DSCAML1: variants seen among roughly 807,000 people sequenced by gnomAD.
DSCAML1 encodes the protein cell adhesion molecule DSCAML1.
In DSCAML1, 38 loss-of-function variants were observed where a neutral mutation model predicts 200.5. The ratio of observed to expected loss-of-function variants is 0.19; its 90% CI spans 0.15 to 0.25. The LOEUF (loss-of-function observed/expected upper bound fraction) is 0.25, where lower values mean the gene tolerates loss of function less well. Among genes scored for constraint, DSCAML1 ranks in the 10% least tolerant of loss-of-function variants. The probability of loss-of-function intolerance (pLI) is 1.00; values close to 1 mark genes in which losing one functional copy is unlikely to be tolerated. For missense variants in DSCAML1, 2,223 were observed against 2,858.8 expected, an observed-to-expected ratio of 0.78 and a Z score of 5.07; for synonymous variants, 1,215 against 1,165.0, an observed-to-expected ratio of 1.04 and a Z score of -0.87.
chr11:117,627,512 G>T (rs920983890), intron 3 of DSCAML1, among the ~76,000 whole-genome samples: 11 of 151,918 alleles, frequency 7.2e-5, no homozygotes, highest in Non-Finnish European at 1.6e-4. Context: ...CACCACACTC[G>T]TGCCTTCCCC....
intron 3 of DSCAML1, among the ~76,000 whole-genome samples, chr11:117,737,581 A>G (rs1393873142): frequency 6.6e-6 from 1 of 152,204 alleles, no homozygotes; most frequent in African/African-American, 2.4e-5. Context: ...GTTCCTGAAT[A>G]TGGAACACAC....
In DSCAML1 at chr11:117,544,084, G is replaced by A. The variant is rs2050324424; in HGVS notation, c.512-11562C>T. Among the ~76,000 whole-genome samples the A allele has an allele frequency of 2.0e-5, 3 of 152,130 alleles. No homozygotes were observed. The South Asian group carries it at 6.2e-4, about 32-fold the overall frequency. On this transcript the variant is annotated intron_variant, in intron 3 of 32. Coordinates refer to ENST00000651296, the MANE Select transcript of DSCAML1 (RefSeq NM_020693.4). ...GGGTGAGGCTTTGCATTGAGACCAGGCTTTGGCCACAGGGTCAGAAAAAAA... is the reference window on the plus strand; with the variant it reads ...GGGTGAGGCTTTGCATTGAGACCAGACTTTGGCCACAGGGTCAGAAAAAAA...
In DSCAML1 at chr11:117,780,380, A is replaced by G. The variant is rs146769706; in HGVS notation, c.364+113T>C. The G allele has an allele frequency of 6.5e-6, 6 of 924,314 alleles. 1 individual carries two copies. In the South Asian group the frequency reaches 1.6e-4, roughly 24 times the overall value. 57.3% of individuals were successfully genotyped at this position (924,314 alleles called of 1,614,324 possible). Reference sequence around the variant, plus strand: ...TGGTACAACAAAGATTCAAAAGAGAACAACAAAACTGTTCTTGAGTGAACG... The same window carrying G: ...TGGTACAACAAAGATTCAAAAGAGAGCAACAAAACTGTTCTTGAGTGAACG... On this transcript the variant is annotated intron_variant, in intron 2 of 32. Transcript: ENST00000651296. The surrounding 1 kb of genome is among the most constrained non-coding windows in gnomAD (Gnocchi z 4.8).
In DSCAML1 at chr11:117,482,017, C is replaced by T. The variant is rs1391659009; in HGVS notation, c.2505G>A (p.Met835Ile). Residue 835 changes from methionine (M) to isoleucine (I), a missense_variant, in exon 12 of 33, where the codon ATG becomes ATA. Coordinates refer to ENST00000651296, the MANE Select transcript of DSCAML1 (RefSeq NM_020693.4). ...GDTVIDPDRV[M>I]RYAIATKDNG... The stretch of plus-strand genomic sequence containing the variant: ...TGTCCTTGGTGGCGATGGCATACCG[C>T]ATGACGCGGTCAGGGTCGATGACTG... 6.2e-7 allele frequency: 1 copy of T among 1,614,176 alleles called. No individual in the cohort carries two copies. The highest frequency in any genetic ancestry group is 1.7e-5 in the Admixed American group (1 of 60,032).
intron 3 of DSCAML1, among the ~76,000 whole-genome samples, chr11:117,738,340 C>A (rs1289031190): frequency 6.6e-6 from 1 of 152,060 alleles, no homozygotes; most frequent in Non-Finnish European, 1.5e-5. Flanking sequence ...GTCATTCCCT[C>A]CCTAAGAAGA....
At chr11:117,554,480 A>C (rs773521603) in intron 3 of DSCAML1, among the ~76,000 whole-genome samples, 4 of 152,108 alleles carry the variant, frequency 2.6e-5, no homozygotes, top group Non-Finnish European at 1.5e-5. Flanking sequence ...TCCTGGGTTC[A>C]AGGGATTCTC....
intron 3 of DSCAML1, among the ~76,000 whole-genome samples, chr11:117,536,450 C>T (rs998605039): frequency 2.6e-5 from 4 of 152,136 alleles, no homozygotes; most frequent in Non-Finnish European, 4.4e-5. Flanking sequence ...CTGGGTCCCA[C>T]GGGAGAAGGA....
At chr11:117,577,518 CTT>C (rs2050965570) in intron 3 of DSCAML1, among the ~76,000 whole-genome samples, 2 of 53,520 alleles carry the variant, frequency 3.7e-5, no homozygotes, top group African/African-American at 2.0e-4. Flanking sequence ...TCCTTCCTTC[CTT>C]CCTTCCTTCC....
intron 3 of DSCAML1, among the ~76,000 whole-genome samples, chr11:117,639,542 C>T (rs1344601363): frequency 6.6e-6 from 1 of 151,630 alleles, no homozygotes; most frequent in African/African-American, 2.4e-5. Flanking sequence ...AAGTCTTTGG[C>T]TCTGCCTTCC....
intron 3 of DSCAML1, among the ~76,000 whole-genome samples, chr11:117,545,299 T>C (rs558793256): frequency 8.0e-5 from 12 of 150,886 alleles, no homozygotes; most frequent in African/African-American, 2.9e-4. Flanking sequence ...AAAGGCCATG[T>C]GAGGACACAG....
chr11:117,662,522 C>A lies in DSCAML1; in HGVS notation c.511+114269G>T, dbSNP rs1249359478. On this transcript the variant is annotated intron_variant, in intron 3 of 32. Coordinates refer to ENST00000651296, the MANE Select transcript of DSCAML1 (RefSeq NM_020693.4). ...CTCGTCGAGAATGCCAGAGAAAAGG[C>A]TCTCTCATGGGTGGCAGATGCTCTC... 3.9e-5 allele frequency among the ~76,000 whole-genome samples: 6 copies of A among 152,338 alleles called. No individual in the cohort carries two copies. In the East Asian group the frequency reaches 1.2e-3, roughly 29 times the overall value.
At chr11:117,680,400 T>C (rs1028730194) in intron 3 of DSCAML1, among the ~76,000 whole-genome samples, 2 of 152,086 alleles carry the variant, frequency 1.3e-5, no homozygotes, top group Admixed American at 6.5e-5. Flanking sequence ...CTGCACAAGG[T>C]CCCCTCAGAT....
intron 3 of DSCAML1, among the ~76,000 whole-genome samples, chr11:117,532,803 G>A (rs1037158608): frequency 2.6e-5 from 4 of 151,972 alleles, no homozygotes; most frequent in Non-Finnish European, 5.9e-5. Flanking sequence ...TGTACAATAG[G>A]ATACAAATAA....
chr11:117,448,205 A>C (rs2048217638), intron 20 of DSCAML1, among the ~76,000 whole-genome samples: 1 of 152,234 alleles, frequency 6.6e-6, no homozygotes, highest in Non-Finnish European at 1.5e-5. Flanking sequence ...CCGGACACCA[A>C]CCTTGGAAAG....
At chr11:117,804,633 A>G (rs1280994796) in intron 1 of DSCAML1, among the ~76,000 whole-genome samples, 1 of 152,108 alleles carries the variant, frequency 6.6e-6, no homozygotes, top group African/African-American at 2.4e-5. Flanking sequence ...CTTATATTCA[A>G]CTTTAGCAAT....
At chr11:117,740,684 C>A (rs1479136396) in intron 3 of DSCAML1, among the ~76,000 whole-genome samples, 1 of 152,232 alleles carries the variant, frequency 6.6e-6, no homozygotes, top group African/African-American at 2.4e-5. Context: ...AGCCACCTAG[C>A]AAATGTTGAG....
At position 117,427,921 on chromosome 11, in the gene DSCAML1, T is replaced by C. The variant is rs1183544654; in HGVS notation, c.*407A>G. ...GTCTCTGAGTTGGGATTTTGGTCTT[T>C]GTCAAAACCACCTAGACTGGGGGGA... On this transcript the variant is annotated 3_prime_UTR_variant, in exon 33 of 33. Coordinates refer to ENST00000651296, the MANE Select transcript of DSCAML1 (RefSeq NM_020693.4). 1 of 157,636 alleles carries C rather than the reference T, an allele frequency of 6.3e-6. No individual in the cohort carries two copies. Among genetic ancestry groups the C allele is most frequent in the Admixed American group, 6.5e-5 (1 of 15,340 alleles). 9.8% of individuals were successfully genotyped at this position (157,636 alleles called of 1,614,324 possible).
Position 117,663,034 on chromosome 11 carries a change from C to G in DSCAML1, c.511+113757G>C, listed in dbSNP as rs565054972. Among the ~76,000 whole-genome samples the G allele has an allele frequency of 3.8e-4, 58 of 151,168 alleles. 2 individuals are homozygous for G. In the South Asian group the frequency reaches 0.012, roughly 30 times the overall value. ...TGCCTTACCACATCCACTTGCCCCC[C>G]GGAGATGGGGAAGGACTCCATCCGA... On this transcript the variant is annotated intron_variant, in intron 3 of 32. Transcript: ENST00000651296.
intron 24 of DSCAML1, 58 bp from the exon 25 acceptor site, chr11:117,438,141 C>G (rs73592184): frequency 0.011 from 17,299 of 1,518,900 alleles, 230 homozygotes; most frequent in African/African-American, 0.058. Context: ...AGCAGAAGCC[C>G]AGCCTCAGGT....
Sources: gnomAD v4.1 joint callset for allele counts (sites outside exome capture counted in the v4.1 genomes callset) on GRCh38, gnomAD v4.1.1 for gene constraint, Gnocchi (gnomAD v3.1) non-coding constraint, MANE v1.5 for transcripts, NCBI Gene and HGNC (gene_info 2026-07-23, HGNC 2026-07-21) for gene names.